Variants in GAN observed in about 807,000 individuals in gnomAD.
The protein encoded by GAN is epididymis secretory sperm binding protein.
In GAN, 48 loss-of-function variants were observed where a neutral mutation model predicts 71.3. The observed-to-expected ratio is 0.67, with a 90% CI of 0.53 to 0.86. The LOEUF (loss-of-function observed/expected upper bound fraction) is 0.86. Among genes scored for constraint, GAN ranks in the 40% least tolerant of loss-of-function variants. GAN has a pLI of 0.00. For synonymous variants in GAN, 386 were observed against 276.8 expected (o/e 1.39, Z -3.92); for missense variants, 928 against 770.1 (o/e 1.21, Z -2.43).
intron 1 of GAN, among the ~76,000 whole-genome samples, chr16:81,320,517 G>A (rs1909190361): frequency 6.6e-6 from 1 of 152,222 alleles, no homozygotes; most frequent in African/African-American, 2.4e-5. Flanking sequence ...GTAATGTTCA[G>A]TTAATAATGT....
In GAN at chr16:81,382,149, C is replaced by G. The variant is rs1346790100; in HGVS notation, c.*4553C>G. On this transcript the variant is annotated 3_prime_UTR_variant, in exon 11 of 11. Coordinates refer to ENST00000648994, the MANE Select transcript of GAN (RefSeq NM_022041.4). ...AGGCAGGGCACTCTCCCCATTGTAC[C>G]AGGGTAATCTTGGAGGCCTGATAGA... is the stretch of plus-strand genomic sequence containing the variant. 1 of 152,116 alleles carries G rather than the reference C, an allele frequency of 6.6e-6. No homozygotes were observed. The highest frequency in any genetic ancestry group is 2.4e-5 in the African/African-American group (1 of 41,408). The allele number at this position is 152,116 out of a possible 1,614,324, so 9.4% of individuals were successfully genotyped here.
intron 1 of GAN, among the ~76,000 whole-genome samples, chr16:81,330,597 T>C (rs1462736072): frequency 6.6e-6 from 1 of 152,230 alleles, no homozygotes; most frequent in Non-Finnish European, 1.5e-5. Context: ...TTTCAATTCG[T>C]ATATGTAGAA....
At chr16:81,331,164 C>T (rs1464232969) in intron 1 of GAN, among the ~76,000 whole-genome samples, 1 of 152,186 alleles carries the variant, frequency 6.6e-6, no homozygotes, top group Non-Finnish European at 1.5e-5. Context: ...GTGCTCGCAC[C>T]ACTGCGCTCT....
chr16:81,384,319 AAAG>A lies in GAN; in HGVS notation c.*6726_*6728del, dbSNP rs1209613626. The A allele has an allele frequency of 6.6e-6, 1 of 151,806 alleles. No individual in the cohort carries two copies. The highest frequency in any genetic ancestry group is 1.5e-5 in the Non-Finnish European group (1 of 67,962). 9.4% of individuals were successfully genotyped at this position (151,806 alleles called of 1,614,324 possible). A position where few individuals can be genotyped will look rare whatever the true frequency, so the allele number is the denominator to read the frequency against. On this transcript the variant is annotated 3_prime_UTR_variant, in exon 11 of 11. Coordinates refer to ENST00000648994, the MANE Select transcript of GAN (RefSeq NM_022041.4). ...ACTACTTAAAAAAAAAAAAAAAAGA[AAAG>A]AAAAAAAAGCACTTACAACCAGGAG...
intron 9 of GAN, among the ~76,000 whole-genome samples, chr16:81,369,566 G>C (rs941383346): frequency 6.6e-6 from 1 of 152,136 alleles, no homozygotes; most frequent in Non-Finnish European, 1.5e-5. Flanking sequence ...AGCTTCTTTG[G>C]GTAGAATTCT....
intron 1 of GAN, among the ~76,000 whole-genome samples, chr16:81,340,271 C>G (rs890121335): frequency 6.6e-6 from 1 of 152,106 alleles, no homozygotes; most frequent in African/African-American, 2.4e-5. Flanking sequence ...GATCCTCTTT[C>G]ATTGTGGAAA....
chr16:81,352,510 C>T (rs73589372), intron 2 of GAN, among the ~76,000 whole-genome samples: 5,736 of 152,156 alleles, frequency 0.038, 165 homozygotes, highest in African/African-American at 0.077. Context: ...TGCATTTCAT[C>T]TTTATTCTTT....
chr16:81,334,155 C>G (rs1909676555), intron 1 of GAN, among the ~76,000 whole-genome samples: 1 of 152,176 alleles, frequency 6.6e-6, no homozygotes, highest in Non-Finnish European at 1.5e-5. Flanking sequence ...CAGAGCAAAG[C>G]TAAATACAAA....
Position 81,379,954 on chromosome 16 carries a change from TGCA to T in GAN, c.*2360_*2362del, listed in dbSNP as rs1019011289. ...AATTTCAGTTCATTGACTCTATAAC[TGCA>T]GAAATTAGATAATGTTTTATAAAAT... On this transcript the variant is annotated 3_prime_UTR_variant, in exon 11 of 11. Coordinates refer to ENST00000648994, the MANE Select transcript of GAN (RefSeq NM_022041.4). 2 of 152,482 alleles carry T rather than the reference TGCA, an allele frequency of 1.3e-5. No individual in the cohort carries two copies. The highest frequency in any genetic ancestry group is 2.9e-5 in the Non-Finnish European group (2 of 68,008). 9.4% of individuals were successfully genotyped at this position (152,482 alleles called of 1,614,324 possible).
rs1904295748 is a variant in GAN, at chr16:81,379,700, A to G, written c.*2104A>G. 6.6e-6 allele frequency: 1 copy of G among 152,250 alleles called. No homozygotes were observed. The allele number at this position is 152,250 out of a possible 1,614,324, so 9.4% of individuals were successfully genotyped here. On this transcript the variant is annotated 3_prime_UTR_variant, in exon 11 of 11. Transcript: ENST00000648994. ...ACAGAACAGTACCTTGGCATTCAGC[A>G]GCTGTAATTGGGGAACATTAAAACA...
intron 1 of GAN, among the ~76,000 whole-genome samples, chr16:81,331,964 A>T (rs906004156): frequency 1.3e-5 from 2 of 151,984 alleles, no homozygotes; most frequent in African/African-American, 4.8e-5. Flanking sequence ...GGAGTTTGAG[A>T]CCAGCCTGAC....
At chr16:81,353,273 C>T (rs570379656) in intron 2 of GAN, among the ~76,000 whole-genome samples, 191 of 126,882 alleles carry the variant, frequency 1.5e-3, no homozygotes, top group Middle Eastern at 5.4e-3. Flanking sequence ...GCGTGGGCGA[C>T]AGAGCGAGAC....
Position 81,363,862 on chromosome 16 carries a change from A to G in GAN, c.1155A>G (p.Glu385=). 1 of 1,611,636 alleles carries G rather than the reference A, an allele frequency of 6.2e-7. No individual in the cohort carries two copies. Among genetic ancestry groups the G allele is most frequent in the Non-Finnish European group, 8.5e-7 (1 of 1,177,684 alleles). Residue 385 remains glutamate (E), a synonymous_variant, in exon 7 of 11, where the codon GAA becomes GAG. Coordinates refer to ENST00000648994, the MANE Select transcript of GAN (RefSeq NM_022041.4). ...MLYILGGEDG[E]KELISMECYD... The stretch of plus-strand genomic sequence containing the variant: ...ACATTTTGGGAGGAGAGGATGGTGA[A>G]AAGGAGCTGATTTCCATGGAGTGTT...
intron 1 of GAN, among the ~76,000 whole-genome samples, chr16:81,331,123 T>G (rs1909561968): frequency 6.6e-6 from 1 of 152,224 alleles, no homozygotes; most frequent in Non-Finnish European, 1.5e-5. Flanking sequence ...GAGGATCACT[T>G]GAGCCCAGAA....
At position 81,330,478 on chromosome 16, in the gene GAN, C is replaced by T. The variant is rs575669516; in HGVS notation, c.167+15198C>T. Among the ~76,000 whole-genome samples the T allele has an allele frequency of 3.3e-5, 5 of 152,282 alleles. No homozygotes were observed. The East Asian group carries it at 5.8e-4, about 18-fold the overall frequency. On this transcript the variant is annotated intron_variant, in intron 1 of 10. Coordinates refer to ENST00000648994, the MANE Select transcript of GAN (RefSeq NM_022041.4). ...CACAGTATAACATTGGATTCTACTC[C>T]AGATAATAAGATAAACACCCATGTG...
At chr16:81,345,992 CA>C (rs1910106601) in intron 1 of GAN, among the ~76,000 whole-genome samples, 1 of 152,166 alleles carries the variant, frequency 6.6e-6, no homozygotes, top group Admixed American at 6.5e-5. Flanking sequence ...GCCACATGCG[CA>C]AGCAAGTACA....
Position 81,385,423 on chromosome 16 carries a change from G to C in GAN, c.*7827G>C, listed in dbSNP as rs772280188. 1 of 152,168 alleles carries C rather than the reference G, an allele frequency of 6.6e-6. No individual in the cohort carries two copies. Among genetic ancestry groups the C allele is most frequent in the Admixed American group, 6.5e-5 (1 of 15,276 alleles). 9.4% of individuals were successfully genotyped at this position (152,168 alleles called of 1,614,324 possible). A position where few individuals can be genotyped will look rare whatever the true frequency, so the allele number is the denominator to read the frequency against. On this transcript the variant is annotated 3_prime_UTR_variant, in exon 11 of 11. Transcript: ENST00000648994. ...TGGTGGCAGGTGCATCTGGGCTTGG[G>C]GGCTTCTGCCACACTTACTACTCTG...
At chr16:81,315,447 C>T (rs1255573681) in intron 1 of GAN, among the ~76,000 whole-genome samples, 167 bp downstream of exon 1, 1 of 151,888 alleles carries the variant, frequency 6.6e-6, no homozygotes, top group Non-Finnish European at 1.5e-5. Flanking sequence ...AACCCGGCCC[C>T]GCTGACCGCG....
At chr16:81,331,331 C>T (rs1265242918) in intron 1 of GAN, among the ~76,000 whole-genome samples, 2 of 152,190 alleles carry the variant, frequency 1.3e-5, no homozygotes, top group Non-Finnish European at 2.9e-5. Context: ...GACAAGACAA[C>T]TAACTGCAGG....
Sources: gnomAD v4.1 joint callset for allele counts (sites outside exome capture counted in the v4.1 genomes callset) on GRCh38, gnomAD v4.1.1 for gene constraint, MANE v1.5 for transcripts, NCBI Gene and HGNC (gene_info 2026-07-23, HGNC 2026-07-21) for gene names.